RBFOX1: variants seen among roughly 807,000 people sequenced by gnomAD.
RBFOX1 encodes RNA binding protein fox-1 homolog 1.
A neutral mutation model predicts 57.7 loss-of-function variants in RBFOX1; 8 were observed. The ratio of observed to expected loss-of-function variants is 0.14; its 90% CI spans 0.08 to 0.25. RBFOX1 has a LOEUF of 0.25. Among genes scored for constraint, RBFOX1 ranks in the 10% least tolerant of loss-of-function variants. The pLI is 1.00. For synonymous variants in RBFOX1, 326 were observed against 222.4 expected (o/e 1.47, Z -4.15); for missense variants, 611 against 548.5 (o/e 1.11, Z -1.14).
intron 2 of RBFOX1, among the ~76,000 whole-genome samples, chr16:6,408,721 G>A (rs2093365329): frequency 6.6e-6 from 1 of 152,134 alleles, no homozygotes; most frequent in Non-Finnish European, 1.5e-5. Flanking sequence ...TCAAGGCAAA[G>A]GGCATGGCAT....
intron 3 of RBFOX1, among the ~76,000 whole-genome samples, chr16:6,692,713 C>G (rs1001783012): frequency 1.9e-4 from 29 of 152,022 alleles, no homozygotes; most frequent in African/African-American, 7.0e-4. Context: ...CTACTATATA[C>G]TCCAAGTCAG....
intron 3 of RBFOX1, among the ~76,000 whole-genome samples, chr16:6,679,156 G>A (rs4786909): frequency 0.95 from 144,286 of 152,178 alleles, 68,863 homozygotes; most frequent in South Asian, 1. Flanking sequence ...ACATTGCAGT[G>A]TTCCACCCAT....
rs187241049 is a variant in RBFOX1 at position 7,466,528 on chromosome 16, C to T, written c.28-51619C>T. 1.7e-3 allele frequency among the ~76,000 whole-genome samples: 255 copies of T among 152,252 alleles called. 1 individual carries two copies. Among genetic ancestry groups the T allele is most frequent in the Non-Finnish European group, 2.1e-3 (143 of 68,032 alleles). ...CCCAGATGTGAAGTTTGCTTCAACT[C>T]CACGATGTCCTGCCTTCATCTGAGC... On this transcript the variant is annotated intron_variant, in intron 4 of 15. Coordinates refer to ENST00000550418, the MANE Select transcript of RBFOX1 (RefSeq NM_018723.4).
At chr16:5,342,357 G>A (rs9926353) in intron 1 of RBFOX1, among the ~76,000 whole-genome samples, 7 of 151,936 alleles carry the variant, frequency 4.6e-5, no homozygotes, top group African/African-American at 1.7e-4. Context: ...AAAGCCTTGG[G>A]GGACTACAGA....
At chr16:5,275,360 A>AT (rs2063115946) in intron 1 of RBFOX1, among the ~76,000 whole-genome samples, 1 of 152,238 alleles carries the variant, frequency 6.6e-6, no homozygotes, top group Non-Finnish European at 1.5e-5. Flanking sequence ...ATCAGGATAC[A>AT]AAATCTATGT....
rs2056224716 is a variant in RBFOX1 at position 5,830,435 on chromosome 16, C to T, written c.319-36868C>T. Among the ~76,000 whole-genome samples the T allele has an allele frequency of 2.0e-5, 3 of 151,366 alleles. No homozygotes were observed. The South Asian group carries it at 6.2e-4, about 32-fold the overall frequency. On this transcript the variant is annotated intron_variant, in intron 3 of 19. Coordinates refer to the RBFOX1 transcript ENST00000641259. ...AATGTGACTCAGTGAAAGCTTAGTG[C>T]TTATCACAGACTCGCCACTGAGGGA...
intron 1 of RBFOX1, among the ~76,000 whole-genome samples, chr16:6,120,368 A>G (rs938161066): frequency 6.6e-6 from 1 of 152,222 alleles, no homozygotes; most frequent in Non-Finnish European, 1.5e-5. Flanking sequence ...TTCCCACAGC[A>G]GCCACCCCAT....
At chr16:6,665,135 C>T (rs2098723782) in intron 3 of RBFOX1, among the ~76,000 whole-genome samples, 1 of 152,198 alleles carries the variant, frequency 6.6e-6, no homozygotes, top group Non-Finnish European at 1.5e-5. Context: ...GGACGGCAAC[C>T]ACCAGCTGTA....
chr16:6,558,159 C>T (rs7194273), intron 2 of RBFOX1, among the ~76,000 whole-genome samples: 135,228 of 152,146 alleles, frequency 0.89, 61,647 homozygotes, highest in East Asian at 1. Flanking sequence ...GCCCAGAAGC[C>T]TGGGAGGAGT....
chr16:6,852,839 A>C (rs771422637), intron 3 of RBFOX1, among the ~76,000 whole-genome samples: 13 of 150,786 alleles, frequency 8.6e-5, no homozygotes, highest in Non-Finnish European at 1.5e-4. Context: ...TTTCCAGGTG[A>C]GGTGCATGCT....
intron 11 of RBFOX1, among the ~76,000 whole-genome samples, chr16:7,632,320 A>G (rs772071761): frequency 6.6e-6 from 1 of 152,200 alleles, no homozygotes; most frequent in Admixed American, 6.5e-5. Flanking sequence ...TTCTTTCTGA[A>G]TTTGTGACAA....
intron 4 of RBFOX1, among the ~76,000 whole-genome samples, chr16:5,908,257 T>C (rs1179854907): frequency 6.7e-6 from 1 of 148,648 alleles, no homozygotes; most frequent in Non-Finnish European, 1.5e-5. Context: ...TACACACACA[T>C]ATATACACAT....
chr16:6,500,801 G>T (rs2095887997), intron 2 of RBFOX1, among the ~76,000 whole-genome samples: 1 of 151,656 alleles, frequency 6.6e-6, no homozygotes, highest in South Asian at 2.1e-4. Flanking sequence ...ATGTGTGCAG[G>T]AGAAAAATCA....
chr16:5,936,514 A>T, intron 4 of RBFOX1, among the ~76,000 whole-genome samples: 1 of 152,146 alleles, frequency 6.6e-6, no homozygotes, highest in Non-Finnish European at 1.5e-5. Context: ...AAAGAGAATG[A>T]CCAAGTTCCT....
At chr16:6,024,754 G>T (rs1381294736) in intron 1 of RBFOX1, among the ~76,000 whole-genome samples, 5 of 152,174 alleles carry the variant, frequency 3.3e-5, no homozygotes, top group African/African-American at 7.2e-5. Flanking sequence ...AAAGTGCTAG[G>T]ATTACAGGCG....
intron 4 of RBFOX1, among the ~76,000 whole-genome samples, chr16:7,334,128 C>G (rs939920275): frequency 4.6e-5 from 7 of 152,148 alleles, no homozygotes; most frequent in African/African-American, 1.7e-4. Context: ...CCCCCTACCT[C>G]TTCTGAACTT....
intron 1 of RBFOX1, among the ~76,000 whole-genome samples, chr16:6,170,881 G>A (rs1024776121): frequency 2.6e-5 from 4 of 152,056 alleles, no homozygotes; most frequent in Non-Finnish European, 5.9e-5. Flanking sequence ...AAATATAATG[G>A]CCTCCAGCTC....
chr16:5,329,563 C>G (rs1175825939), intron 1 of RBFOX1, among the ~76,000 whole-genome samples: 1 of 152,204 alleles, frequency 6.6e-6, no homozygotes, highest in Admixed American at 6.5e-5. Flanking sequence ...ATATCAAAAA[C>G]TGAGGTCCGA....
At chr16:6,658,430 A>T (rs1365803211) in intron 3 of RBFOX1, among the ~76,000 whole-genome samples, 1 of 151,730 alleles carries the variant, frequency 6.6e-6, no homozygotes, top group East Asian at 1.9e-4. Context: ...GATGATCTTG[A>T]ACTCCTGACC....
Sources: gnomAD v4.1 joint callset for allele counts (sites outside exome capture counted in the v4.1 genomes callset) on GRCh38, gnomAD v4.1.1 for gene constraint, MANE v1.5 for transcripts, NCBI Gene and HGNC (gene_info 2026-07-23, HGNC 2026-07-21) for gene names.